The following ABI1 variants were observed in gnomAD, a reference collection of about 807,000 sequenced individuals.
ABI1 encodes the protein Abelson interactor 1.
In ABI1, 14 loss-of-function variants were observed where a neutral mutation model predicts 54.6. The observed-to-expected ratio is 0.26, with a 90% CI of 0.17 to 0.40. The LOEUF (loss-of-function observed/expected upper bound fraction) is 0.40. Among genes scored for constraint, ABI1 ranks in the 10% least tolerant of loss-of-function variants. ABI1 has a pLI of 1.00. For missense variants in ABI1, 443 were observed against 598.3 expected (o/e 0.74, Z 2.71); for synonymous variants, 194 against 209.3 (o/e 0.93, Z 0.63).
intron 1 of ABI1, among the ~76,000 whole-genome samples, chr10:26,835,385 A>G (rs1409646646): frequency 6.6e-6 from 1 of 151,986 alleles, no homozygotes; most frequent in Non-Finnish European, 1.5e-5. Flanking sequence ...GACCAGCCTG[A>G]GCAGCACAGC....
In ABI1 at chr10:26,770,292, A is replaced by G. The variant is rs745740585; in HGVS notation, c.531T>C (p.Pro177=). 10 of 1,614,074 alleles carry G rather than the reference A, an allele frequency of 6.2e-6. No homozygotes were observed. The South Asian group carries it at 1.1e-4, about 18-fold the overall frequency. The change falls in exon 5 of 11, where the codon CCT becomes CCC. Residue 177 remains proline, a synonymous_variant. Transcript: ENST00000376140. Reference sequence around the variant, plus strand: ...TGGGAGGACTTGGCGGTTTCTGAGTAGGAGGATTTGTTCTCGACAGTGTGC... The same window carrying G: ...TGGGAGGACTTGGCGGTTTCTGAGTGGGAGGATTTGTTCTCGACAGTGTGC... ...RTGTLSRTNP[P]TQKPPSPPMS...
Position 26,769,761 on chromosome 10 carries a change from G to A in ABI1, c.578+484C>T, listed in dbSNP as rs142387116. ...GTGAAGAGGCCTAAGATTACCAGCA[G>A]AAGCATAGTTACAAGTAAAGTGCAT... On this transcript the variant is annotated intron_variant, in intron 5 of 10. Coordinates refer to ENST00000376140, the MANE Select transcript of ABI1 (RefSeq NM_001012750.3). 8.9e-4 allele frequency among the ~76,000 whole-genome samples: 135 copies of A among 152,276 alleles called. 1 individual carries two copies. Among genetic ancestry groups the A allele is most frequent in the African/African-American group, 3.1e-3 (128 of 41,562 alleles).
chr10:26,806,295 T>A (rs2046872124), intron 2 of ABI1, among the ~76,000 whole-genome samples: 1 of 152,226 alleles, frequency 6.6e-6, no homozygotes, highest in African/African-American at 2.4e-5. Context: ...AATACTTTCA[T>A]GGGATTTGGA....
chr10:26,805,263 T>C (rs573091516), intron 2 of ABI1, among the ~76,000 whole-genome samples: 4 of 152,260 alleles, frequency 2.6e-5, no homozygotes, highest in South Asian at 2.1e-4. Context: ...TAAAGCAAGA[T>C]TAGGCTACTG....
chr10:26,813,147 G>A (rs2047345430), intron 2 of ABI1, among the ~76,000 whole-genome samples: 1 of 151,988 alleles, frequency 6.6e-6, no homozygotes, highest in Non-Finnish European at 1.5e-5. Context: ...TACTTGGGAG[G>A]CTGAGGCAGG....
intron 1 of ABI1, among the ~76,000 whole-genome samples, chr10:26,857,466 C>A: frequency 6.6e-6 from 1 of 151,230 alleles, no homozygotes; most frequent in East Asian, 1.9e-4. Context: ...CATGGCAAAA[C>A]CCCATCTCTA....
At chr10:26,757,197 C>T (rs1180020381) in intron 8 of ABI1, among the ~76,000 whole-genome samples, 1 of 151,908 alleles carries the variant, frequency 6.6e-6, no homozygotes, top group African/African-American at 2.4e-5. Flanking sequence ...ACACTAAAAA[C>T]ATTCACGTAC....
At chr10:26,828,666 T>C (rs2048463160) in intron 1 of ABI1, among the ~76,000 whole-genome samples, 1 of 152,212 alleles carries the variant, frequency 6.6e-6, no homozygotes, top group African/African-American at 2.4e-5. Flanking sequence ...CAAAGCACAG[T>C]AATTCGAATG....
intron 6 of ABI1, among the ~76,000 whole-genome samples, chr10:26,767,400 G>A (rs756902504): frequency 6.6e-6 from 1 of 152,162 alleles, no homozygotes; most frequent in Non-Finnish European, 1.5e-5. Context: ...ACCAACCTAA[G>A]AGTGAAGGCA....
Position 26,747,834 on chromosome 10 carries a change from TA to T in ABI1, c.*735del, listed in dbSNP as rs1003864863. 6.2e-5 allele frequency: 12 copies of T among 193,038 alleles called. No individual in the cohort carries two copies. Among genetic ancestry groups the T allele is most frequent in the South Asian group, 3.8e-4 (2 of 5,202 alleles). The allele number at this position is 193,038 out of a possible 1,614,324, so 12.0% of individuals were successfully genotyped here. Reference sequence around the variant, plus strand: ...AATTCTGCAATAAATCATTATCTTTTATTTTTTTTAAAGCAAATCAGTGAAG... The same window carrying T: ...AATTCTGCAATAAATCATTATCTTTTTTTTTTTTAAAGCAAATCAGTGAAG... On this transcript the variant is annotated 3_prime_UTR_variant, in exon 11 of 11. Coordinates refer to ENST00000376140, the MANE Select transcript of ABI1 (RefSeq NM_001012750.3).
intron 2 of ABI1, among the ~76,000 whole-genome samples, chr10:26,805,494 C>G (rs1293292080): frequency 1.3e-5 from 2 of 151,412 alleles, no homozygotes; most frequent in Non-Finnish European, 2.9e-5. Context: ...TAGGACACAA[C>G]AAAGAAATGG....
chr10:26,823,587 T>C (rs1170463012), intron 1 of ABI1, among the ~76,000 whole-genome samples: 1 of 152,148 alleles, frequency 6.6e-6, no homozygotes, highest in Non-Finnish European at 1.5e-5. Flanking sequence ...TCTCCTTGCC[T>C]AGACCCTTTC....
intron 7 of ABI1, chr10:26,763,983 A>AG: frequency 6.4e-7 from 1 of 1,572,968 alleles, no homozygotes; most frequent in South Asian, 1.1e-5. Context: ...TTTATAATTC[A>AG]GGTCAGAGTA....
At chr10:26,771,134 C>T (rs754863411) in intron 3 of ABI1, 45 bp from the exon 4 acceptor site, 2 of 1,606,476 alleles carry the variant, frequency 1.2e-6, no homozygotes, top group Admixed American at 1.7e-5. Context: ...GACATTAATG[C>T]TAGGTAAGTT....
intron 1 of ABI1, among the ~76,000 whole-genome samples, chr10:26,834,162 G>A (rs2048871578): frequency 6.6e-6 from 1 of 152,082 alleles, no homozygotes; most frequent in South Asian, 2.1e-4. Flanking sequence ...CCCGGAAGGT[G>A]GAGGTTGCAG....
At position 26,747,683 on chromosome 10, in the gene ABI1, T is replaced by G. The variant is rs780018461; in HGVS notation, c.*887A>C. ...AAGATTATTTAAAAAAGGAATTCAGTAGATTGACTTGTAAATAACCATTGC... is the reference window on the plus strand; with the variant it reads ...AAGATTATTTAAAAAAGGAATTCAGGAGATTGACTTGTAAATAACCATTGC... On this transcript the variant is annotated 3_prime_UTR_variant, in exon 11 of 11. Coordinates refer to ENST00000376140, the MANE Select transcript of ABI1 (RefSeq NM_001012750.3). 5.1e-6 allele frequency: 1 copy of G among 196,986 alleles called. No individual in the cohort carries two copies. Among genetic ancestry groups the G allele is most frequent in the Non-Finnish European group, 1.1e-5 (1 of 95,000 alleles). 12.2% of individuals were successfully genotyped at this position (196,986 alleles called of 1,614,324 possible).
In ABI1 at chr10:26,748,660, ATTC is replaced by A. The variant is rs1235424163; in HGVS notation, c.1353_1355del (p.Lys451del). The A allele has an allele frequency of 6.2e-7, 1 of 1,613,572 alleles. No individual in the cohort carries two copies. The highest frequency in any genetic ancestry group is 8.5e-7 in the Non-Finnish European group (1 of 1,179,702). On this transcript the variant is annotated inframe_deletion, in exon 11 of 11. Transcript: ENST00000376140. ...AGACTCCTTCATACCAGCCATCATC[ATTC>A]TTCTTTATAACATAAATGATTGCAC...
intron 2 of ABI1, among the ~76,000 whole-genome samples, chr10:26,820,610 T>TA (rs2047907947): frequency 1.3e-5 from 2 of 150,062 alleles, no homozygotes; most frequent in South Asian, 2.1e-4. Flanking sequence ...TTTTTTGAGA[T>TA]AGAGTTTTGC....
At chr10:26,855,969 TCAAAA>T (rs1564593709) in intron 1 of ABI1, among the ~76,000 whole-genome samples, 1 of 50,754 alleles carries the variant, frequency 2.0e-5, no homozygotes, top group South Asian at 7.1e-4. Context: ...AGACTCCATC[TCAAAA>T]AAAAAAAAAA....
Sources: allele counts gnomAD v4.1 joint callset (sites outside exome capture counted in the v4.1 genomes callset), GRCh38; gene constraint gnomAD v4.1.1; transcripts MANE v1.5; gene names NCBI Gene and HGNC (gene_info 2026-07-23, HGNC 2026-07-21).